Variants in UNC80 observed in about 807,000 individuals in gnomAD.
UNC80 encodes the protein unc-80 subunit of NALCN channel complex, also known as protein unc-80 homolog.
In UNC80, 164 loss-of-function variants were observed where a neutral mutation model predicts 384.6. That is an observed-to-expected ratio of 0.43 (90% CI 0.38 to 0.49). The LOEUF (loss-of-function observed/expected upper bound fraction) is 0.49. UNC80 is among the 20% of genes least tolerant of loss of function. The probability of loss-of-function intolerance (pLI) is 0.00; values close to 1 mark genes in which losing one functional copy is unlikely to be tolerated. For missense variants in UNC80, 3,330 were observed against 4,143.0 expected, an observed-to-expected ratio of 0.80 and a Z score of 5.39; for synonymous variants, 1,486 against 1,527.8, an observed-to-expected ratio of 0.97 and a Z score of 0.64.
intron 22 of UNC80, among the ~76,000 whole-genome samples, chr2:209,851,249 C>T (rs1197988375): frequency 1.3e-5 from 2 of 152,102 alleles, no homozygotes; most frequent in African/African-American, 4.8e-5. Context: ...AGATATCAGA[C>T]ACCACGTGCA....
Position 209,829,920 on chromosome 2 carries a change from A to G in UNC80, c.2626+541A>G, listed in dbSNP as rs191749641. On this transcript the variant is annotated intron_variant, in intron 15 of 64. Coordinates refer to ENST00000673920, the MANE Select transcript of UNC80 (RefSeq NM_001371986.1). Reference sequence around the variant, plus strand: ...AAATGGATGCACAGATAAACCTACAAGCTATTTTATAACTTAATGGCTTTC... The same window carrying G: ...AAATGGATGCACAGATAAACCTACAGGCTATTTTATAACTTAATGGCTTTC... Among the ~76,000 whole-genome samples, 299 of 152,354 alleles carry G rather than the reference A, an allele frequency of 2.0e-3. 2 individuals carry two copies. Among genetic ancestry groups the G allele is most frequent in the African/African-American group, 6.7e-3 (278 of 41,586 alleles).
chr2:209,874,240 T>C (rs2084570444), intron 23 of UNC80, among the ~76,000 whole-genome samples: 1 of 152,146 alleles, frequency 6.6e-6, no homozygotes, highest in African/African-American at 2.4e-5. Flanking sequence ...GTCAATGAAA[T>C]GCATATCATG....
intron 29 of UNC80, among the ~76,000 whole-genome samples, chr2:209,911,558 A>G (rs947688380): frequency 1.1e-4 from 16 of 152,332 alleles, no homozygotes; most frequent in Middle Eastern, 3.4e-3. Context: ...TGGAATATCC[A>G]TGCACTTTTA....
chr2:209,918,544 A>G lies in UNC80; in HGVS notation c.5224A>G (p.Ser1742Gly). Residue 1742 changes from serine (S) to glycine (G), a missense_variant, in exon 33 of 65, where the codon AGT becomes GGT. Ser to Gly is a moderately conservative substitution (Grantham distance 56). Transcript: ENST00000673920. The stretch of plus-strand genomic sequence containing the variant: ...TGTCAACTAACAGATTCCGCCTCCC[A>G]GTATCAATTTCACCCTTCCCTCGCC... The part of the protein sequence containing the change: ...AQQIFKIPPP[S>G]INFTLPSPVL... The G allele has an allele frequency of 6.4e-7, 1 of 1,552,154 alleles. No homozygotes were observed. The highest frequency in any genetic ancestry group is 8.7e-7 in the Non-Finnish European group (1 of 1,147,048).
At chr2:209,819,331 A>C (rs2079976276) in intron 12 of UNC80, 70 bp downstream of exon 12, 1 of 1,427,210 alleles carries the variant, frequency 7.0e-7, no homozygotes, top group African/African-American at 1.4e-5. Flanking sequence ...TTGCAATGTT[A>C]TATAAAATGG....
chr2:209,925,471 A>C (rs955190028), intron 35 of UNC80, among the ~76,000 whole-genome samples: 5 of 152,230 alleles, frequency 3.3e-5, no homozygotes, highest in African/African-American at 1.2e-4. Flanking sequence ...AAGCTTCTGC[A>C]ATGTGGAAGG....
chr2:209,928,822 G>A (rs1358680211), intron 36 of UNC80, among the ~76,000 whole-genome samples: 1 of 151,956 alleles, frequency 6.6e-6, no homozygotes, highest in South Asian at 2.1e-4. Flanking sequence ...CCTTTCCCAT[G>A]CCTCCCTCCC....
At chr2:209,855,759 CCT>C (rs1212890430) in intron 22 of UNC80, among the ~76,000 whole-genome samples, 1 of 151,930 alleles carries the variant, frequency 6.6e-6, no homozygotes, top group African/African-American at 2.4e-5. Context: ...GTCATGCTAT[CCT>C]CTTTCTTATT....
rs906780674 is a variant in UNC80 at position 209,995,436 on chromosome 2, C to T, written c.9816C>T (p.Phe3272=). Residue 3272 remains phenylalanine, a synonymous_variant, in exon 65 of 65, where the codon TTC becomes TTT. Coordinates refer to ENST00000673920, the MANE Select transcript of UNC80 (RefSeq NM_001371986.1). Reference sequence around the variant, plus strand: ...CCCAACTCTCTGACCCTGATGACTTCACAGGCCTCGAGACATCCAGCCTCC... The same window carrying T: ...CCCAACTCTCTGACCCTGATGACTTTACAGGCCTCGAGACATCCAGCCTCC... ...LSAQLSDPDD[F]TGLETSSLLQ... The T allele has an allele frequency of 5.2e-6, 8 of 1,551,794 alleles. No homozygotes were observed. In the African/African-American group the frequency reaches 1.1e-4, roughly 21 times the overall value.
At chr2:209,881,241 A>T (rs989274629) in intron 25 of UNC80, 147 bp downstream of exon 25, 2 of 915,052 alleles carry the variant, frequency 2.2e-6, no homozygotes, top group East Asian at 2.7e-5. Context: ...TTTGAAACAT[A>T]AAAAGAAATG....
chr2:209,902,905 G>A (rs1438687759), intron 28 of UNC80, among the ~76,000 whole-genome samples: 1 of 6,128 alleles, frequency 1.6e-4, no homozygotes, highest in Admixed American at 1.0e-3. Context: ...CTGTATACAC[G>A]TGTGTGTGTG....
In UNC80 at chr2:209,976,326, T is replaced by A. The variant is rs1038305577; in HGVS notation, c.8772+23T>A. On this transcript the variant is annotated intron_variant, in intron 57 of 64. Transcript: ENST00000673920. This position sits in a 1 kb window ranked among gnomAD's most constrained non-coding sequence, Gnocchi z 4.3. ...AAGGTGTGGTGTGTGCTTCTCCTCC[T>A]GAAAGTGGCAAGCTCAAATGAATGT... 4 of 1,551,612 alleles carry A rather than the reference T, an allele frequency of 2.6e-6. No homozygotes were observed. Among genetic ancestry groups the A allele is most frequent in the Non-Finnish European group, 2.6e-6 (3 of 1,146,952 alleles).
intron 17 of UNC80, among the ~76,000 whole-genome samples, chr2:209,834,580 C>A (rs182399332): frequency 1.8e-4 from 28 of 152,218 alleles, no homozygotes; most frequent in Non-Finnish European, 3.4e-4. Context: ...TAAGTAATAG[C>A]CTGTTGTTTT....
At chr2:209,784,778 G>A (rs539722919) in intron 4 of UNC80, among the ~76,000 whole-genome samples, 1 of 152,140 alleles carries the variant, frequency 6.6e-6, no homozygotes, top group Admixed American at 6.6e-5. Flanking sequence ...CCGGGTATAT[G>A]GTAGGTGCTC....
intron 22 of UNC80, among the ~76,000 whole-genome samples, chr2:209,854,299 TAA>T (rs916887666): frequency 6.6e-6 from 1 of 151,174 alleles, no homozygotes; most frequent in African/African-American, 2.5e-5. Context: ...ATGAATTTTT[TAA>T]AAAGAGTCTA....
chr2:209,894,947 G>T (rs1391194239), intron 27 of UNC80, among the ~76,000 whole-genome samples: 4 of 152,034 alleles, frequency 2.6e-5, no homozygotes, highest in African/African-American at 4.8e-5. Flanking sequence ...AGGTTCTCAG[G>T]GATTTGTTTT....
rs1000976645 is a variant in UNC80 at position 209,976,619 on chromosome 2, G to A, written c.8773-294G>A. On this transcript the variant is annotated intron_variant, in intron 57 of 64. Transcript: ENST00000673920. The surrounding 1 kb of genome is among the most constrained non-coding windows in gnomAD (Gnocchi z 4.3). Reference sequence around the variant, plus strand: ...GTTTGGAGAATCTTCTATCTTCAGTGACATGACTGAGATCTGATTTTAAAT... The same window carrying A: ...GTTTGGAGAATCTTCTATCTTCAGTAACATGACTGAGATCTGATTTTAAAT... 2.6e-5 allele frequency among the ~76,000 whole-genome samples: 4 copies of A among 151,676 alleles called. No homozygotes were observed. The highest frequency in any genetic ancestry group is 6.6e-5 in the Admixed American group (1 of 15,256).
intron 4 of UNC80, among the ~76,000 whole-genome samples, chr2:209,782,277 G>A (rs1371709806): frequency 6.6e-6 from 1 of 152,140 alleles, no homozygotes; most frequent in Non-Finnish European, 1.5e-5. Flanking sequence ...TGACCTGTCT[G>A]ACTACTTCTC....
At chr2:209,984,472 C>T (rs1575225470) in intron 60 of UNC80, among the ~76,000 whole-genome samples, 1 of 152,278 alleles carries the variant, frequency 6.6e-6, no homozygotes, top group East Asian at 1.9e-4. Context: ...ACACCATGTA[C>T]ATAAGACAGG....
Sources: gnomAD v4.1 joint callset for allele counts (sites outside exome capture counted in the v4.1 genomes callset) on GRCh38, gnomAD v4.1.1 for gene constraint, Gnocchi (gnomAD v3.1) non-coding constraint, MANE v1.5 for transcripts, NCBI Gene and HGNC (gene_info 2026-07-23, HGNC 2026-07-21) for gene names.